The following FAT3 variants were observed in gnomAD, a reference collection of about 807,000 sequenced individuals.
FAT3 encodes protocadherin Fat 3.
Under a neutral mutation model 310.2 loss-of-function variants are expected in FAT3, and 95 were observed. The ratio of observed to expected loss-of-function variants is 0.31; its 90% CI spans 0.26 to 0.36. The LOEUF (loss-of-function observed/expected upper bound fraction) is 0.36, where lower values mean the gene tolerates loss of function less well. FAT3 is among the 10% of genes least tolerant of loss of function. The pLI is 1.00. For missense variants in FAT3, 5,408 were observed against 5,715.6 expected (o/e 0.95, Z 1.74); for synonymous variants, 2,314 against 2,192.9 (o/e 1.06, Z -1.54).
chr11:92,489,118 A>G (rs1952522458), intron 2 of FAT3, among the ~76,000 whole-genome samples: 1 of 152,064 alleles, frequency 6.6e-6, no homozygotes, highest in African/African-American at 2.4e-5. Context: ...GATCTCTCAT[A>G]GACGCATTTA....
At chr11:92,881,014 G>C (rs532491737) in intron 23 of FAT3, 130 bp downstream of exon 23, 2 of 965,100 alleles carry the variant, frequency 2.1e-6, no homozygotes, top group East Asian at 4.9e-5. Context: ...TGCACGATAC[G>C]TATAAGGAGT....
intron 1 of FAT3, among the ~76,000 whole-genome samples, chr11:92,301,491 G>A (rs1232575653): frequency 6.6e-6 from 1 of 152,050 alleles, no homozygotes; most frequent in Non-Finnish European, 1.5e-5. Flanking sequence ...TTATTTCTGG[G>A]CCCATAGCTC....
At chr11:92,350,393 A>G (rs1948532428) in intron 1 of FAT3, among the ~76,000 whole-genome samples, 1 of 151,824 alleles carries the variant, frequency 6.6e-6, no homozygotes, top group Non-Finnish European at 1.5e-5. Flanking sequence ...AACTAGAACT[A>G]CATTAAAACC....
chr11:92,399,296 G>A (rs1949957222), intron 2 of FAT3, among the ~76,000 whole-genome samples: 2 of 152,130 alleles, frequency 1.3e-5, no homozygotes. Context: ...TTCCTCTGGA[G>A]TTTCTTTATA....
chr11:92,645,130 C>A (rs561162416), intron 3 of FAT3, among the ~76,000 whole-genome samples: 1 of 152,034 alleles, frequency 6.6e-6, no homozygotes, highest in Admixed American at 6.6e-5. Context: ...TTAAAATGTG[C>A]GAATACCAAA....
intron 1 of FAT3, among the ~76,000 whole-genome samples, chr11:92,301,131 C>T (rs1946987327): frequency 6.6e-6 from 1 of 152,102 alleles, no homozygotes; most frequent in Non-Finnish European, 1.5e-5. Context: ...CTTCTGATCT[C>T]CTCTTTCTCA....
At chr11:92,430,281 C>T (rs1456220482) in intron 2 of FAT3, among the ~76,000 whole-genome samples, 1 of 152,048 alleles carries the variant, frequency 6.6e-6, no homozygotes, top group African/African-American at 2.4e-5. Flanking sequence ...TTCTTGCAAC[C>T]TCTTATCAAT....
intron 3 of FAT3, among the ~76,000 whole-genome samples, chr11:92,670,698 C>T (rs1943100926): frequency 6.6e-6 from 1 of 152,180 alleles, no homozygotes; most frequent in Admixed American, 6.5e-5. Context: ...CTTGTGATAA[C>T]ATCTGCAAAA....
At chr11:92,724,567 A>G (rs1055821220) in intron 4 of FAT3, among the ~76,000 whole-genome samples, 2 of 152,216 alleles carry the variant, frequency 1.3e-5, no homozygotes, top group Non-Finnish European at 2.9e-5. Context: ...CACTACAGCA[A>G]TGTAGCTAAA....
At chr11:92,792,632 C>T (rs1387481824) in intron 8 of FAT3, 135 bp from the exon 9 acceptor site, 2 of 736,982 alleles carry the variant, frequency 2.7e-6, no homozygotes, top group Non-Finnish European at 4.5e-6. Context: ...ATTTACTGAG[C>T]ACCTACTAGA....
At chr11:92,742,923 G>A (rs1282470908) in intron 4 of FAT3, among the ~76,000 whole-genome samples, 1 of 152,206 alleles carries the variant, frequency 6.6e-6, no homozygotes, top group Admixed American at 6.5e-5. Context: ...TGTAGGTGTA[G>A]CGGTGTTAGA....
chr11:92,404,012 G>GC (rs1950083422), intron 2 of FAT3, among the ~76,000 whole-genome samples: 1 of 151,950 alleles, frequency 6.6e-6, no homozygotes, highest in South Asian at 2.1e-4. Context: ...TCCAGCCTGG[G>GC]CCACAGAACA....
In FAT3 at chr11:92,737,783, A is replaced by G. The variant is rs191904120; in HGVS notation, c.3670-24073A>G. 2.3e-3 allele frequency among the ~76,000 whole-genome samples: 348 copies of G among 152,230 alleles called. 1 individual carries two copies. The highest frequency in any genetic ancestry group is 8.1e-3 in the African/African-American group (337 of 41,538). On this transcript the variant is annotated intron_variant, in intron 4 of 27. Transcript: ENST00000525166. ...AACTTTGTTTTAGTTCAGAAAATGT[A>G]TTACTCACATAATGGATCCCAGGAG...
intron 1 of FAT3, among the ~76,000 whole-genome samples, chr11:92,322,390 T>C (rs1044647445): frequency 6.6e-6 from 1 of 152,190 alleles, no homozygotes; most frequent in Admixed American, 6.5e-5. Flanking sequence ...CTTGCCTCGA[T>C]GTTGATGGCT....
chr11:92,479,605 C>A (rs1312980046), intron 2 of FAT3, among the ~76,000 whole-genome samples: 1 of 152,118 alleles, frequency 6.6e-6, no homozygotes, highest in Non-Finnish European at 1.5e-5. Context: ...GTCCCTTGGT[C>A]AAACACTCTT....
intron 2 of FAT3, among the ~76,000 whole-genome samples, chr11:92,425,540 C>T (rs1950613784): frequency 6.6e-6 from 1 of 151,956 alleles, no homozygotes; most frequent in South Asian, 2.1e-4. Context: ...CTCCCCTTGC[C>T]CCCACCCCCA....
At chr11:92,401,431 A>G (rs758290094) in intron 2 of FAT3, among the ~76,000 whole-genome samples, 1 of 152,180 alleles carries the variant, frequency 6.6e-6, no homozygotes, top group Non-Finnish European at 1.5e-5. Flanking sequence ...CAATTCTGAA[A>G]ACTTATCCCA....
At chr11:92,641,213 G>C (rs565713767) in intron 3 of FAT3, among the ~76,000 whole-genome samples, 3 of 151,996 alleles carry the variant, frequency 2.0e-5, no homozygotes, top group Non-Finnish European at 4.4e-5. Context: ...CACAAAAAAT[G>C]TTCACCATAT....
chr11:92,756,229 TC>T (rs1319368935), intron 4 of FAT3, among the ~76,000 whole-genome samples: 1 of 152,264 alleles, frequency 6.6e-6, no homozygotes, highest in African/African-American at 2.4e-5. Context: ...CTATCGTTTT[TC>T]TTGTACATAC....
Sources: gnomAD v4.1 joint callset for allele counts (sites outside exome capture counted in the v4.1 genomes callset) on GRCh38, gnomAD v4.1.1 for gene constraint, MANE v1.5 for transcripts, NCBI Gene and HGNC (gene_info 2026-07-23, HGNC 2026-07-21) for gene names.